Variants in DDX54 observed in about 807,000 individuals in gnomAD.
DDX54 encodes DEAD-box helicase 54, also known as ATP-dependent RNA helicase DDX54.
DDX54 carries 67 observed loss-of-function variants against 105.5 expected under a neutral mutation model. The ratio of observed to expected loss-of-function variants is 0.64; its 90% CI spans 0.52 to 0.78. The LOEUF (loss-of-function observed/expected upper bound fraction) is 0.78. Ranked by LOEUF, DDX54 falls within the 30% of genes least tolerant of loss-of-function variation. DDX54 has a pLI of 0.00. For synonymous variants in DDX54, 514 were observed against 509.9 expected, an observed-to-expected ratio of 1.01 and a Z score of -0.11; for missense variants, 1,206 against 1,230.5, an observed-to-expected ratio of 0.98 and a Z score of 0.30.
chr12:113,180,100 T>G, intron 2 of DDX54, 95 bp from the exon 3 acceptor site: 1 of 1,153,822 alleles, frequency 8.7e-7, no homozygotes, highest in Non-Finnish European at 1.3e-6. Context: ...TCATCAACAA[T>G]AAACAGCAAG....
chr12:113,172,228 C>T lies in DDX54; in HGVS notation c.1279+125G>A, dbSNP rs946983519. On this transcript the variant is annotated intron_variant, in intron 11 of 19. Coordinates refer to ENST00000306014, the MANE Select transcript of DDX54 (RefSeq NM_024072.4). ...GACCAGCTTAAGCAATATAGCGAGG[C>T]TCTGTCTCTAAAACAAGGCCCACAG... 51 of 1,077,394 alleles carry T rather than the reference C, an allele frequency of 4.7e-5. 1 individual carries two copies. Among genetic ancestry groups the T allele is most frequent in the Non-Finnish European group, 5.5e-5 (41 of 743,154 alleles). 66.7% of individuals were successfully genotyped at this position (1,077,394 alleles called of 1,614,324 possible).
rs1952353080 is a variant in DDX54, at chr12:113,172,454, A to G, written c.1178T>C (p.Ile393Thr). 4 of 1,614,252 alleles carry G rather than the reference A, an allele frequency of 2.5e-6. No individual in the cohort carries two copies. Among genetic ancestry groups the G allele is most frequent in the Non-Finnish European group, 3.4e-6 (4 of 1,180,052 alleles). Residue 393 changes from isoleucine to threonine, a missense_variant, in exon 11 of 20, where the codon ATT becomes ACT. By Grantham distance (89) the Ile-to-Thr change is moderately conservative. Around this residue, in one of 3 missense-constraint regions of DDX54, gnomAD observed 961 missense variants for 1,019.1 expected, o/e 0.94. Transcript: ENST00000306014. The part of the protein sequence containing the change: ...KFTLGKCSTL[I>T]VTDLAARGLD... ...GCCTCGGGCGGCCAGGTCAGTCACA[A>G]TGAGAGTGGAGCACTTGCCAAGCGT...
intron 13 of DDX54, 39 bp from the exon 14 acceptor site, chr12:113,165,756 G>T: frequency 6.2e-7 from 1 of 1,606,112 alleles, no homozygotes. Context: ...TGTGGGTGGG[G>T]TCAGCAAGGC....
rs201580976 is a variant in DDX54, at chr12:113,169,915, G to A, written c.1280-11C>T. On this transcript the variant is annotated splice_polypyrimidine_tract_variant and intron_variant, in intron 11 of 19. Transcript: ENST00000306014. ...CCCGAGCCACACGGCCTGCAGCAAG[G>A]AGACGTTCAAGCTTAATTAAGCAAA... The A allele has an allele frequency of 2.2e-5, 36 of 1,613,796 alleles. No individual in the cohort carries two copies. Among genetic ancestry groups the A allele is most frequent in the Non-Finnish European group, 2.5e-5 (29 of 1,179,950 alleles).
chr12:113,180,967 T>C lies in DDX54; in HGVS notation c.266A>G (p.Asn89Ser). ...PDTREMVRAQ[N>S]KKKKKSGGFQ... is the part of the protein sequence containing the mutation. ...GCCTCCAGACTTCTTCTTCTTCTTGTTCTGGGCACGCACCATCTCCCGGGT... is the reference window on the plus strand; with the variant it reads ...GCCTCCAGACTTCTTCTTCTTCTTGCTCTGGGCACGCACCATCTCCCGGGT... Residue 89 changes from asparagine to serine, a missense_variant, in exon 2 of 20, where the codon AAC becomes AGC. By Grantham distance (46) the Asn-to-Ser change is conservative. Around this residue, in one of 3 missense-constraint regions of DDX54, gnomAD observed 212 missense variants for 155.4 expected, o/e 1.36. Coordinates refer to ENST00000306014, the MANE Select transcript of DDX54 (RefSeq NM_024072.4). The C allele has an allele frequency of 1.2e-6, 2 of 1,613,872 alleles. No homozygotes were observed. Among genetic ancestry groups the C allele is most frequent in the East Asian group, 2.2e-5 (1 of 44,866 alleles).
Position 113,162,937 on chromosome 12 carries a change from G to C in DDX54, c.2190C>G (p.Leu730=), listed in dbSNP as rs749349545. The change falls in exon 17 of 20, where the codon CTC becomes CTG. Residue 730 remains leucine, a synonymous_variant. Coordinates refer to ENST00000306014, the MANE Select transcript of DDX54 (RefSeq NM_024072.4). ...AQNLTRGRQQ[L]KWDRKKKRFV... ...CGGCTCACTCGATCACTCACCACTT[G>C]AGCTGCTGCCGGCCCCTCGTCAGGT... 2.5e-6 allele frequency: 4 copies of C among 1,595,918 alleles called. No individual in the cohort carries two copies. The highest frequency in any genetic ancestry group is 3.4e-6 in the Non-Finnish European group (4 of 1,174,620).
At chr12:113,177,212 G>A (rs1952414925) in intron 5 of DDX54, 119 bp from the exon 6 acceptor site, 2 of 1,230,772 alleles carry the variant, frequency 1.6e-6, no homozygotes, top group Non-Finnish European at 2.3e-6. Flanking sequence ...CCAAGGCTTG[G>A]AACTGAGGAA....
chr12:113,177,157 A>G, intron 5 of DDX54, 64 bp from the exon 6 acceptor site: 2 of 1,588,544 alleles, frequency 1.3e-6, no homozygotes, highest in Non-Finnish European at 1.7e-6. Flanking sequence ...TCCCATAACC[A>G]AATGTCCAGG....
chr12:113,170,017 C>A (rs116979084), intron 11 of DDX54, 113 bp from the exon 12 acceptor site: 2 of 1,429,364 alleles, frequency 1.4e-6, no homozygotes, highest in Non-Finnish European at 1.9e-6. Flanking sequence ...GAACCTCACA[C>A]GGCTGCTGTC....
Position 113,179,326 on chromosome 12 carries a change from G to A in DDX54, c.381C>T (p.Ile127=), listed in dbSNP as rs775767532. ...KVPTPIQRKT[I]PVILDGKDVV... is the part of the protein sequence containing the mutation. The stretch of plus-strand genomic sequence containing the variant: ...CGTCCTTGCCATCCAAGATCACCGG[G>A]ATGGTCTGGAGAGGCACAAGCAGGG... Residue 127 remains isoleucine, a synonymous_variant, in exon 4 of 20, where the codon ATC becomes ATT. Coordinates refer to ENST00000306014, the MANE Select transcript of DDX54 (RefSeq NM_024072.4). 1.2e-6 allele frequency: 2 copies of A among 1,612,844 alleles called. No homozygotes were observed. Among genetic ancestry groups the A allele is most frequent in the Admixed American group, 3.3e-5 (2 of 60,016 alleles).
At chr12:113,168,015 G>A (rs1006697565) in intron 12 of DDX54, 15 of 478,140 alleles carry the variant, frequency 3.1e-5, no homozygotes, top group Non-Finnish European at 6.2e-5. Flanking sequence ...TGCCCTTTAG[G>A]CGCCCCTTCC....
chr12:113,185,475 G>A lies in DDX54; in HGVS notation c.-24C>T. On this transcript the variant is annotated 5_prime_UTR_variant, in exon 1 of 20. Coordinates refer to ENST00000306014, the MANE Select transcript of DDX54 (RefSeq NM_024072.4). ...ATTCGGGCCGCGCGCTGGGAACGCA[G>A]AAGGGGGCGTGGCCTGAGGAGCGCA... 2 of 1,487,048 alleles carry A rather than the reference G, an allele frequency of 1.3e-6. No homozygotes were observed. The highest frequency in any genetic ancestry group is 1.8e-6 in the Non-Finnish European group (2 of 1,122,888). The allele number at this position is 1,487,048 out of a possible 1,614,324, so 92.1% of individuals were successfully genotyped here. A position where few individuals can be genotyped will look rare whatever the true frequency, so the allele number is the denominator to read the frequency against.
intron 1 of DDX54, among the ~76,000 whole-genome samples, chr12:113,181,902 C>T (rs1952473266): frequency 6.6e-6 from 1 of 151,988 alleles, no homozygotes; most frequent in South Asian, 2.1e-4. Flanking sequence ...GCCTGTAATC[C>T]CAGCACTGGG....
At position 113,158,149 on chromosome 12, in the gene DDX54, A is replaced by T. The variant is rs1191271568; in HGVS notation, c.*728T>A. ...CAAACAGGGGGTGGGTGGCAAGAAG[A>T]CAGAGGACAGGCCAGGTTCTGACCT... On this transcript the variant is annotated 3_prime_UTR_variant, in exon 20 of 20. Coordinates refer to ENST00000306014, the MANE Select transcript of DDX54 (RefSeq NM_024072.4). The surrounding 1 kb of genome is among the most constrained non-coding windows in gnomAD (Gnocchi z 4.9). 5.9e-6 allele frequency: 1 copy of T among 168,264 alleles called. No individual in the cohort carries two copies. The highest frequency in any genetic ancestry group is 1.3e-5 in the Non-Finnish European group (1 of 77,060). 10.4% of individuals were successfully genotyped at this position (168,264 alleles called of 1,614,324 possible). A position where few individuals can be genotyped will look rare whatever the true frequency, so the allele number is the denominator to read the frequency against.
rs755855403 is a variant in DDX54 at position 113,163,862 on chromosome 12, C to G, written c.1938+205G>C. 1.3e-5 allele frequency among the ~76,000 whole-genome samples: 2 copies of G among 152,212 alleles called. No homozygotes were observed. Among genetic ancestry groups the G allele is most frequent in the Non-Finnish European group, 2.9e-5 (2 of 68,036 alleles). ...CCCACTGAGGGTGTCATGTCGTGCA[C>G]AGCTCCTCAGGCTAAAGATCTGGCC... On this transcript the variant is annotated intron_variant, in intron 15 of 19. Coordinates refer to ENST00000306014, the MANE Select transcript of DDX54 (RefSeq NM_024072.4). The surrounding 1 kb of genome is among the most constrained non-coding windows in gnomAD (Gnocchi z 5.9).
rs562981847 is a variant in DDX54, at chr12:113,172,334, C to T, written c.1279+19G>A. On this transcript the variant is annotated intron_variant, in intron 11 of 19. Coordinates refer to ENST00000306014, the MANE Select transcript of DDX54 (RefSeq NM_024072.4). ...TCCGGCACCCCTGCCTGCCCCAGGG[C>T]CAGCCACGGGCTGCTTACCCACGCG... The T allele has an allele frequency of 4.3e-6, 7 of 1,609,272 alleles. No individual in the cohort carries two copies. In the East Asian group the frequency reaches 1.6e-4, roughly 36 times the overall value.
chr12:113,178,725 TAG>T, intron 5 of DDX54, among the ~76,000 whole-genome samples: 1 of 152,154 alleles, frequency 6.6e-6, no homozygotes, highest in Middle Eastern at 3.2e-3. Flanking sequence ...GTATTTTTAG[TAG>T]AGACAGGGTT....
rs958420938 is a variant in DDX54, at chr12:113,158,650, G to A, written c.*227C>T. On this transcript the variant is annotated 3_prime_UTR_variant, in exon 20 of 20. Coordinates refer to ENST00000306014, the MANE Select transcript of DDX54 (RefSeq NM_024072.4). This position sits in a 1 kb window ranked among gnomAD's most constrained non-coding sequence, Gnocchi z 4.9. ...AAGTCTTGGCCTGCCTGGCTTTGCT[G>A]GCGAACTCCTGCACACCCTTCAAGG... 22 of 508,930 alleles carry A rather than the reference G, an allele frequency of 4.3e-5. No individual in the cohort carries two copies. The highest frequency in any genetic ancestry group is 7.3e-5 in the Non-Finnish European group (22 of 300,166). The allele number at this position is 508,930 out of a possible 1,614,324, so 31.5% of individuals were successfully genotyped here.
At position 113,163,987 on chromosome 12, in the gene DDX54, G is replaced by A. The variant is rs561543899; in HGVS notation, c.1938+80C>T. ...CTCCATCCACTGCTCAAAGATCCTAGGACAGCCTCATGGGCTGCTGGGACT... is the reference window on the plus strand; with the variant it reads ...CTCCATCCACTGCTCAAAGATCCTAAGACAGCCTCATGGGCTGCTGGGACT... On this transcript the variant is annotated intron_variant, in intron 15 of 19. Coordinates refer to ENST00000306014, the MANE Select transcript of DDX54 (RefSeq NM_024072.4). The surrounding 1 kb of genome is among the most constrained non-coding windows in gnomAD (Gnocchi z 5.9). The A allele has an allele frequency of 7.7e-5, 113 of 1,469,704 alleles. No individual in the cohort carries two copies. The highest frequency in any genetic ancestry group is 9.9e-5 in the Non-Finnish European group (110 of 1,107,084). 91.0% of individuals were successfully genotyped at this position (1,469,704 alleles called of 1,614,324 possible). A position where few individuals can be genotyped will look rare whatever the true frequency, so the allele number is the denominator to read the frequency against.
Sources: allele counts gnomAD v4.1 joint callset (sites outside exome capture counted in the v4.1 genomes callset), GRCh38; gene constraint gnomAD v4.1.1; regional missense constraint gnomAD v4.1.1; non-coding constraint Gnocchi (gnomAD v3.1); transcripts MANE v1.5; gene names NCBI Gene and HGNC (gene_info 2026-07-23, HGNC 2026-07-21).